HIVEP1: variants seen among roughly 807,000 people sequenced by gnomAD.
HIVEP1 encodes HIVEP zinc finger 1.
A neutral mutation model predicts 180.0 loss-of-function variants in HIVEP1; 36 were observed. The observed-to-expected ratio is 0.20, with a 90% confidence interval of 0.15 to 0.26. The LOEUF is 0.26. HIVEP1 is among the 10% of genes least tolerant of loss of function. The pLI is 1.00. For missense variants in HIVEP1, 3,143 were observed against 3,268.7 expected (o/e 0.96, Z 0.94); for synonymous variants, 1,239 against 1,239.0 (o/e 1.00, Z 0.00).
At chr6:12,044,176 A>T (rs1161821638) in intron 2 of HIVEP1, among the ~76,000 whole-genome samples, 2 of 152,128 alleles carry the variant, frequency 1.3e-5, no homozygotes, top group African/African-American at 4.8e-5. Context: ...GCTCCTGAAT[A>T]AGAATTCTAA....
chr6:12,099,578 G>A (rs540901033), intron 3 of HIVEP1, among the ~76,000 whole-genome samples: 3 of 152,102 alleles, frequency 2.0e-5, no homozygotes, highest in Non-Finnish European at 2.9e-5. Context: ...AAGAAAAAAC[G>A]TGGTAACATA....
intron 2 of HIVEP1, among the ~76,000 whole-genome samples, chr6:12,021,555 C>A (rs953090513): frequency 6.6e-6 from 1 of 152,180 alleles, no homozygotes; most frequent in Non-Finnish European, 1.5e-5. Context: ...CTTGTACTTA[C>A]AATATTACAT....
chr6:12,090,734 C>CTTTT (rs1561929824), intron 3 of HIVEP1, among the ~76,000 whole-genome samples: 1,207 of 102,874 alleles, frequency 0.012, 32 homozygotes, highest in African/African-American at 0.039. Flanking sequence ...CTATAGCCAG[C>CTTTT]CTTTTTTTTT....
chr6:12,139,044 G>C (rs1432212195), intron 7 of HIVEP1, among the ~76,000 whole-genome samples: 5 of 151,644 alleles, frequency 3.3e-5, no homozygotes, highest in African/African-American at 1.2e-4. Flanking sequence ...GCTCCTGATT[G>C]GTCTCTGTGG....
At chr6:12,048,420 T>C (rs1267942091) in intron 2 of HIVEP1, among the ~76,000 whole-genome samples, 1 of 152,228 alleles carries the variant, frequency 6.6e-6, no homozygotes, top group African/African-American at 2.4e-5. Flanking sequence ...ATGGCATACA[T>C]TTCCAATACT....
At position 12,123,986 on chromosome 6, in the gene HIVEP1, G is replaced by T; in HGVS notation, c.4191G>T (p.Gln1397His). The T allele has an allele frequency of 1.9e-6, 3 of 1,614,064 alleles. No individual in the cohort carries two copies. The highest frequency in any genetic ancestry group is 2.5e-6 in the Non-Finnish European group (3 of 1,180,022). Reference sequence around the variant, plus strand: ...ATTGTGGAAGCATCACCCCACCCCAGACAACACCACTTACTGAATTGCAGC... The same window carrying T: ...ATTGTGGAAGCATCACCCCACCCCATACAACACCACTTACTGAATTGCAGC... ...SFDCGSITPP[Q>H]TTPLTELQPP... The change falls in exon 4 of 9, where the codon CAG becomes CAT. Residue 1397 changes from glutamine to histidine, a missense_variant. Transcript: ENST00000379388.
the HIVEP1 span, among the ~76,000 whole-genome samples, chr6:12,203,153 A>G: frequency 6.6e-6 from 1 of 152,220 alleles, no homozygotes; most frequent in South Asian, 2.1e-4. Flanking sequence ...ATTTGGTGGG[A>G]GAAGGATCTG....
chr6:12,080,720 G>T (rs9470909), intron 2 of HIVEP1, among the ~76,000 whole-genome samples: 212 of 152,224 alleles, frequency 1.4e-3, no homozygotes, highest in African/African-American at 4.8e-3. Context: ...TTCTGAAAAG[G>T]ATAAGTGAAG....
chr6:12,022,126 G>T (rs1002623226), intron 2 of HIVEP1, among the ~76,000 whole-genome samples: 1 of 152,042 alleles, frequency 6.6e-6, no homozygotes, highest in African/African-American at 2.4e-5. Flanking sequence ...GATAAACCAG[G>T]TGGTTATTGT....
chr6:12,070,480 G>A (rs1317059743), intron 2 of HIVEP1, among the ~76,000 whole-genome samples: 2 of 152,152 alleles, frequency 1.3e-5, no homozygotes, highest in African/African-American at 2.4e-5. Context: ...TTGGGGTTAG[G>A]AGTTCGAGAC....
chr6:12,088,385 C>G (rs9357278), intron 2 of HIVEP1, among the ~76,000 whole-genome samples: 15,201 of 152,002 alleles, frequency 0.1, 1,042 homozygotes, highest in Middle Eastern at 0.21. Flanking sequence ...GTACCTAGAC[C>G]AGTGTGTTAA....
chr6:12,160,089 G>C (rs1312023314), intron 7 of HIVEP1, among the ~76,000 whole-genome samples: 1 of 152,204 alleles, frequency 6.6e-6, no homozygotes, highest in Non-Finnish European at 1.5e-5. Flanking sequence ...CAGCTAAACT[G>C]TACATTGTCT....
At chr6:12,111,404 G>A (rs914361159) in intron 3 of HIVEP1, among the ~76,000 whole-genome samples, 3 of 152,230 alleles carry the variant, frequency 2.0e-5, no homozygotes, top group African/African-American at 7.2e-5. Context: ...AGTACTTACT[G>A]TCTTGTGGTT....
chr6:12,144,570 A>G (rs1207285249), intron 7 of HIVEP1, among the ~76,000 whole-genome samples: 3 of 152,232 alleles, frequency 2.0e-5, no homozygotes, highest in African/African-American at 4.8e-5. Flanking sequence ...CGAAACTACC[A>G]TCAGAGTGAA....
At chr6:12,186,848 T>C in the HIVEP1 span, among the ~76,000 whole-genome samples, 1 of 151,554 alleles carries the variant, frequency 6.6e-6, no homozygotes. Context: ...CCAAGAGTAT[T>C]ATAAATTTGT....
intron 2 of HIVEP1, among the ~76,000 whole-genome samples, chr6:12,030,800 A>G (rs1006819458): frequency 6.6e-6 from 1 of 152,050 alleles, no homozygotes; most frequent in African/African-American, 2.4e-5. Flanking sequence ...TATTGACTCA[A>G]TTTTTCCCCT....
At chr6:12,141,643 A>G (rs891425387) in intron 7 of HIVEP1, among the ~76,000 whole-genome samples, 1 of 147,782 alleles carries the variant, frequency 6.8e-6, no homozygotes, top group Non-Finnish European at 1.5e-5. Context: ...TGACACACAT[A>G]GACTCAAAAT....
chr6:12,108,963 C>A (rs1435093854), intron 3 of HIVEP1, among the ~76,000 whole-genome samples: 1 of 152,232 alleles, frequency 6.6e-6, no homozygotes, highest in African/African-American at 2.4e-5. Flanking sequence ...ATTGCCATTT[C>A]TTTTTATTTT....
At chr6:12,007,993 A>T (rs1767096455), upstream of HIVEP1, 1 of 152,144 alleles carries the variant, frequency 6.6e-6, no homozygotes, top group South Asian at 2.1e-4. Flanking sequence ...GGCACAGGTA[A>T]GGCTGATTGC....
Sources: gnomAD v4.1 joint callset for allele counts (sites outside exome capture counted in the v4.1 genomes callset) on GRCh38, gnomAD v4.1.1 for gene constraint, MANE v1.5 for transcripts, NCBI Gene and HGNC (gene_info 2026-07-23, HGNC 2026-07-21) for gene names.